PAX5: variants seen among roughly 807,000 people sequenced by gnomAD.
The protein encoded by PAX5 is paired box protein Pax-5.
PAX5 carries 9 observed loss-of-function variants against 43.7 expected under a neutral mutation model. That is an observed-to-expected ratio of 0.21 (90% CI 0.12 to 0.36). PAX5 has a LOEUF of 0.36. Ranked by LOEUF, PAX5 falls within the 10% of genes least tolerant of loss-of-function variation. The pLI is 1.00. For missense variants in PAX5, 383 were observed against 532.7 expected, an observed-to-expected ratio of 0.72 and a Z score of 2.77; for synonymous variants, 228 against 214.3, an observed-to-expected ratio of 1.06 and a Z score of -0.56.
intron 1 of PAX5, among the ~76,000 whole-genome samples, chr9:37,030,536 G>C (rs1041760476): frequency 3.2e-4 from 48 of 152,222 alleles, no homozygotes; most frequent in African/African-American, 1.1e-3. Context: ...ACAGTGATGC[G>C]CTTTCTTTCT....
chr9:36,909,173 G>A (rs907093780), intron 7 of PAX5, among the ~76,000 whole-genome samples: 1 of 152,100 alleles, frequency 6.6e-6, no homozygotes, highest in African/African-American at 2.4e-5. Context: ...CAGTGAAAAA[G>A]CAAATACTTC....
intron 7 of PAX5, among the ~76,000 whole-genome samples, chr9:36,899,293 C>G (rs1828158356): frequency 6.6e-6 from 1 of 152,176 alleles, no homozygotes; most frequent in South Asian, 2.1e-4. Context: ...GCTCCACAGC[C>G]CAGCACATGT....
At chr9:36,959,105 T>G (rs1479966188) in intron 6 of PAX5, among the ~76,000 whole-genome samples, 1 of 152,224 alleles carries the variant, frequency 6.6e-6, no homozygotes, top group Non-Finnish European at 1.5e-5. Flanking sequence ...TGAGGATTCC[T>G]CAGGGGAACT....
intron 6 of PAX5, among the ~76,000 whole-genome samples, chr9:36,933,160 GA>G (rs1167065336): frequency 6.8e-6 from 1 of 147,354 alleles, no homozygotes; most frequent in Non-Finnish European, 1.5e-5. Context: ...AAAAAAAAAG[GA>G]AAAAAAAGAA....
At chr9:37,002,822 C>A (rs569730070) in intron 4 of PAX5, 46 bp from the exon 5 acceptor site, 2 of 1,555,930 alleles carry the variant, frequency 1.3e-6, no homozygotes, top group South Asian at 2.4e-5. Context: ...GGGCTGAGGG[C>A]GGCGGACCGG....
At chr9:36,899,202 T>C (rs937377992) in intron 7 of PAX5, among the ~76,000 whole-genome samples, 2 of 152,034 alleles carry the variant, frequency 1.3e-5, no homozygotes, top group African/African-American at 4.8e-5. Context: ...CAATATCATC[T>C]CCTGTGAAAG....
At chr9:36,954,290 A>G (rs1833263602) in intron 6 of PAX5, among the ~76,000 whole-genome samples, 1 of 152,098 alleles carries the variant, frequency 6.6e-6, no homozygotes, top group South Asian at 2.1e-4. Flanking sequence ...AAACGTGTTG[A>G]TTTTCCTTTT....
chr9:36,840,399 G>T lies in PAX5; in HGVS notation c.*161C>A. 1 of 726,920 alleles carries T rather than the reference G, an allele frequency of 1.4e-6. No individual in the cohort carries two copies. Among genetic ancestry groups the T allele is most frequent in the Non-Finnish European group, 2.4e-6 (1 of 418,850 alleles). 45.0% of individuals were successfully genotyped at this position (726,920 alleles called of 1,614,324 possible). A position where few individuals can be genotyped will look rare whatever the true frequency, so the allele number is the denominator to read the frequency against. On this transcript the variant is annotated 3_prime_UTR_variant, in exon 10 of 10. Coordinates refer to ENST00000358127, the MANE Select transcript of PAX5 (RefSeq NM_016734.3). ...AGAAGTCCAACGGCCCCACCAAAGG[G>T]CCCCAGAGTCCCTGGAGGAAGAGAG...
chr9:37,026,943 C>A (rs1046427714), intron 1 of PAX5, among the ~76,000 whole-genome samples: 2 of 152,226 alleles, frequency 1.3e-5, no homozygotes, highest in African/African-American at 2.4e-5. Context: ...AGCCCCCGGC[C>A]CCAGGAAGGA....
rs1834201603 is a variant in PAX5, at chr9:36,964,098, GC to G, written c.780+2450del. The stretch of plus-strand genomic sequence containing the variant: ...GATCAAGACCATCCCGGCTAACACG[GC>G]GAAACCCTGCCCCTACTAAAAAATA... On this transcript the variant is annotated intron_variant, in intron 6 of 9. Coordinates refer to ENST00000358127, the MANE Select transcript of PAX5 (RefSeq NM_016734.3). 2.0e-5 allele frequency among the ~76,000 whole-genome samples: 3 copies of G among 151,732 alleles called. No individual in the cohort carries two copies. In the South Asian group the frequency reaches 6.2e-4, roughly 32 times the overall value.
At position 37,028,344 on chromosome 9, in the gene PAX5, A is replaced by G. The variant is rs57000903; in HGVS notation, c.46+5642T>C. On this transcript the variant is annotated intron_variant, in intron 1 of 9. Transcript: ENST00000358127. ...ATTTTATTTCCTAATTTTATCAAGT[A>G]CCTACTAAACCACCACTGGCTCCTC... 1.3e-3 allele frequency among the ~76,000 whole-genome samples: 201 copies of G among 152,244 alleles called. 2 individuals carry two copies. The highest frequency in any genetic ancestry group is 4.3e-3 in the African/African-American group (179 of 41,534).
intron 1 of PAX5, among the ~76,000 whole-genome samples, chr9:37,027,128 A>C (rs965350216): frequency 6.6e-6 from 1 of 152,004 alleles, no homozygotes; most frequent in African/African-American, 2.4e-5. Flanking sequence ...TGGGGCTCGG[A>C]CTTGCCCCCT....
intron 7 of PAX5, among the ~76,000 whole-genome samples, chr9:36,910,476 C>T (rs1235341046): frequency 6.6e-6 from 1 of 152,154 alleles, no homozygotes; most frequent in Non-Finnish European, 1.5e-5. Context: ...GGGTGTATCT[C>T]CTCTGGTTGT....
chr9:36,948,368 T>C (rs1832726061), intron 6 of PAX5, among the ~76,000 whole-genome samples: 1 of 152,158 alleles, frequency 6.6e-6, no homozygotes, highest in Non-Finnish European at 1.5e-5. Context: ...GCAGTTTCCT[T>C]AGAAGTATCA....
intron 6 of PAX5, among the ~76,000 whole-genome samples, chr9:36,957,733 A>G (rs1833608314): frequency 6.6e-6 from 1 of 152,206 alleles, no homozygotes; most frequent in South Asian, 2.1e-4. Flanking sequence ...AGTCCTGAAC[A>G]AAAGCGCATC....
intron 5 of PAX5, among the ~76,000 whole-genome samples, chr9:36,982,179 G>C (rs181919330): frequency 1.3e-5 from 2 of 152,138 alleles, no homozygotes; most frequent in East Asian, 3.9e-4. Flanking sequence ...CAGGAGAATC[G>C]CTTGAACCCA....
intron 2 of PAX5, among the ~76,000 whole-genome samples, chr9:37,019,396 G>A (rs76028432): frequency 3.5e-3 from 533 of 152,242 alleles, no homozygotes; most frequent in Non-Finnish European, 5.8e-3. Flanking sequence ...CCACAGCTCA[G>A]GTAACCTGCA....
At chr9:36,852,525 G>A (rs1212958792) in intron 8 of PAX5, among the ~76,000 whole-genome samples, 3 of 152,156 alleles carry the variant, frequency 2.0e-5, no homozygotes, top group Non-Finnish European at 1.5e-5. Context: ...GAAACAGAAC[G>A]CTGGCAGTCA....
intron 8 of PAX5, among the ~76,000 whole-genome samples, chr9:36,857,891 T>C (rs1823830792): frequency 6.6e-6 from 1 of 152,190 alleles, no homozygotes; most frequent in Non-Finnish European, 1.5e-5. Context: ...AACCACGTCA[T>C]GGTTTTTGTA....
Sources: gnomAD v4.1 joint callset for allele counts (sites outside exome capture counted in the v4.1 genomes callset) on GRCh38, gnomAD v4.1.1 for gene constraint, MANE v1.5 for transcripts, NCBI Gene and HGNC (gene_info 2026-07-23, HGNC 2026-07-21) for gene names.